Variants in ENTREP2 observed in about 807,000 individuals in gnomAD.
The protein encoded by ENTREP2 is protein ENTREP2.
the ENTREP2 span, among the ~76,000 whole-genome samples, chr15:29,461,931 A>G: frequency 2.0e-5 from 3 of 151,978 alleles, no homozygotes; most frequent in East Asian, 5.8e-4. Context: ...GTCCCTGGCA[A>G]CCACCATTCT....
At chr15:29,186,817 T>C in the ENTREP2 span, among the ~76,000 whole-genome samples, 1 of 152,244 alleles carries the variant, frequency 6.6e-6, no homozygotes, top group Admixed American at 6.5e-5. Flanking sequence ...ATGCAATATG[T>C]CTGGCAGAAA....
chr15:29,124,563 A>T, the ENTREP2 span: 1 of 728,338 alleles, frequency 1.4e-6, no homozygotes, highest in South Asian at 1.8e-5. Context: ...GACAGTGGGC[A>T]GCCCCCATTC....
the ENTREP2 span, among the ~76,000 whole-genome samples, chr15:29,342,034 G>A: frequency 3.3e-5 from 5 of 152,212 alleles, no homozygotes; most frequent in African/African-American, 1.2e-4. Flanking sequence ...GAGGGGTAAT[G>A]TTGCAAGTAG....
the ENTREP2 span, chr15:29,233,863 T>C: frequency 6.3e-7 from 1 of 1,579,136 alleles, no homozygotes; most frequent in Non-Finnish European, 8.7e-7. Context: ...CTGTGGGAGA[T>C]GATGTCAAAT....
the ENTREP2 span, among the ~76,000 whole-genome samples, chr15:29,207,191 C>G: frequency 6.6e-6 from 1 of 152,120 alleles, no homozygotes; most frequent in Non-Finnish European, 1.5e-5. Flanking sequence ...GAGGACAAAG[C>G]CGGCCCATTA....
the ENTREP2 span, among the ~76,000 whole-genome samples, chr15:29,443,389 C>T: frequency 6.6e-6 from 1 of 152,188 alleles, no homozygotes; most frequent in African/African-American, 2.4e-5. Flanking sequence ...CGTTCCAAAA[C>T]ACCAGAAATC....
At chr15:29,585,604 T>C in the ENTREP2 span, among the ~76,000 whole-genome samples, 4 of 150,774 alleles carry the variant, frequency 2.7e-5, no homozygotes, top group African/African-American at 9.8e-5. Context: ...CGCCTGTAAT[T>C]CCAGAACTTT....
At chr15:29,123,301 G>A in the ENTREP2 span, 4 of 1,466,378 alleles carry the variant, frequency 2.7e-6, no homozygotes, top group East Asian at 2.5e-5. Context: ...CATCTGTGGC[G>A]CCAGGCGTTG....
the ENTREP2 span, among the ~76,000 whole-genome samples, chr15:29,490,695 T>G: frequency 1.3e-5 from 2 of 152,152 alleles, no homozygotes; most frequent in African/African-American, 4.8e-5. Flanking sequence ...CACTGATTGG[T>G]GCATTTACAA....
chr15:29,289,900 T>C, the ENTREP2 span, among the ~76,000 whole-genome samples: 1 of 152,122 alleles, frequency 6.6e-6, no homozygotes, highest in African/African-American at 2.4e-5. Flanking sequence ...TTATTTGTAA[T>C]AGTCACCAAA....
the ENTREP2 span, among the ~76,000 whole-genome samples, chr15:29,175,236 T>C: frequency 6.6e-6 from 1 of 152,324 alleles, no homozygotes; most frequent in African/African-American, 2.4e-5. Flanking sequence ...TGTGCCTCAG[T>C]ATCCTCACCT....
the ENTREP2 span, among the ~76,000 whole-genome samples, chr15:29,243,009 A>T: frequency 1.4e-4 from 22 of 152,234 alleles, no homozygotes; most frequent in Non-Finnish European, 2.2e-4. Context: ...ACTGCAGGCT[A>T]GCGAAGCTGG....
the ENTREP2 span, among the ~76,000 whole-genome samples, chr15:29,545,715 C>A: frequency 4.6e-5 from 7 of 152,166 alleles, no homozygotes; most frequent in Non-Finnish European, 1.0e-4. Context: ...TTGTCTCTCA[C>A]TTTTCATTAT....
chr15:29,231,885 C>CTTTTTTTT, the ENTREP2 span, among the ~76,000 whole-genome samples: 3,965 of 129,030 alleles, frequency 0.031, 353 homozygotes, highest in East Asian at 0.05. Flanking sequence ...GTTTTCTTTT[C>CTTTTTTTT]TTTTCTTTCT....
the ENTREP2 span, among the ~76,000 whole-genome samples, chr15:29,224,572 T>C: frequency 6.6e-6 from 1 of 152,124 alleles, no homozygotes; most frequent in East Asian, 1.9e-4. Context: ...ACACAAAAGT[T>C]CTCCACCTCC....
chr15:29,155,479 C>T, the ENTREP2 span, among the ~76,000 whole-genome samples: 3 of 152,064 alleles, frequency 2.0e-5, no homozygotes, highest in Admixed American at 6.6e-5. Context: ...AGACTCAGGT[C>T]GTTTCTTCAT....
At chr15:29,223,871 G>T in the ENTREP2 span, among the ~76,000 whole-genome samples, 3 of 152,218 alleles carry the variant, frequency 2.0e-5, no homozygotes, top group African/African-American at 7.2e-5. Context: ...GGGCTCAGCT[G>T]ACAGAGGACT....
the ENTREP2 span, among the ~76,000 whole-genome samples, chr15:29,509,391 G>A: frequency 1.3e-5 from 2 of 151,976 alleles, no homozygotes; most frequent in African/African-American, 4.8e-5. Flanking sequence ...CACAAAATTA[G>A]AAAAAAATTA....
chr15:29,587,169 G>GTGTGTGTA, the ENTREP2 span, among the ~76,000 whole-genome samples: 7 of 141,270 alleles, frequency 5.0e-5, no homozygotes, highest in Admixed American at 3.6e-4. Flanking sequence ...GTGTGTGTGT[G>GTGTGTGTA]TGTGTGTGTG....
Sources: allele counts gnomAD v4.1 joint callset (sites outside exome capture counted in the v4.1 genomes callset), GRCh38; gene constraint gnomAD v4.1.1; transcripts MANE v1.5; gene names NCBI Gene and HGNC (gene_info 2026-07-23, HGNC 2026-07-21).